Variants in TTBK2 observed in about 807,000 individuals in gnomAD.
TTBK2 encodes the protein tau tubulin kinase 2.
Under a neutral mutation model 110.8 loss-of-function variants are expected in TTBK2, and 28 were observed. That is an observed-to-expected ratio of 0.25 (90% CI 0.19 to 0.35). The LOEUF is 0.35. Among genes scored for constraint, TTBK2 ranks in the 10% least tolerant of loss-of-function variants. TTBK2 has a pLI of 1.00. For missense variants in TTBK2, 1,369 were observed against 1,500.3 expected (o/e 0.91, Z 1.45); for synonymous variants, 532 against 527.3 (o/e 1.01, Z -0.12).
intron 1 of TTBK2, among the ~76,000 whole-genome samples, chr15:42,888,160 C>A (rs1895317615): frequency 6.6e-6 from 1 of 152,138 alleles, no homozygotes; most frequent in East Asian, 1.9e-4. Flanking sequence ...TAGAGGCCCT[C>A]AAAATCACAA....
chr15:42,917,935 T>C (rs2031170767), intron 1 of TTBK2, among the ~76,000 whole-genome samples: 2 of 152,194 alleles, frequency 1.3e-5, no homozygotes, highest in Non-Finnish European at 2.9e-5. Context: ...ATAGGATTTT[T>C]TTTTAAGTGT....
intron 13 of TTBK2, among the ~76,000 whole-genome samples, chr15:42,756,365 C>T (rs1156652900): frequency 3.3e-5 from 5 of 152,048 alleles, no homozygotes; most frequent in Non-Finnish European, 7.4e-5. Context: ...GTGGGCGGAT[C>T]ATCTGAAGTC....
chr15:42,825,106 G>C lies in TTBK2; in HGVS notation c.537+2822C>G, dbSNP rs1358425954. ...CGCCTGTGCAACAGAACAAGACCCTGTCTCTTTAAATAATAATAATAAATG... is the reference window on the plus strand; with the variant it reads ...CGCCTGTGCAACAGAACAAGACCCTCTCTCTTTAAATAATAATAATAAATG... On this transcript the variant is annotated intron_variant, in intron 6 of 14. Transcript: ENST00000267890. Among the ~76,000 whole-genome samples, 11 of 152,042 alleles carry C rather than the reference G, an allele frequency of 7.2e-5. No homozygotes were observed. The East Asian group carries it at 2.1e-3, about 29-fold the overall frequency.
intron 9 of TTBK2, among the ~76,000 whole-genome samples, chr15:42,797,023 G>C (rs1308871857): frequency 6.6e-6 from 1 of 152,348 alleles, no homozygotes; most frequent in East Asian, 1.9e-4. Flanking sequence ...GTCAGAGGTA[G>C]AGGGCCGTAG....
chr15:42,912,526 T>A (rs551612078), intron 1 of TTBK2, among the ~76,000 whole-genome samples: 4 of 151,928 alleles, frequency 2.6e-5, no homozygotes, highest in African/African-American at 9.7e-5. Context: ...CTGGCCAACA[T>A]GATGAAACCC....
At chr15:42,786,507 C>T (rs1243556851) in intron 10 of TTBK2, among the ~76,000 whole-genome samples, 2 of 152,146 alleles carry the variant, frequency 1.3e-5, no homozygotes, top group Non-Finnish European at 2.9e-5. Context: ...ACTCAGTATT[C>T]TTTCAAGTCC....
chr15:42,856,188 T>G (rs1893934097), intron 3 of TTBK2, among the ~76,000 whole-genome samples: 1 of 152,122 alleles, frequency 6.6e-6, no homozygotes. Flanking sequence ...ATGAAAACAA[T>G]GAATGTAGGT....
chr15:42,747,836 A>G (rs2061816529), intron 14 of TTBK2, among the ~76,000 whole-genome samples: 1 of 152,230 alleles, frequency 6.6e-6, no homozygotes. Flanking sequence ...GAATCCAAAA[A>G]GATCCCCATG....
chr15:42,806,999 C>T (rs1891497076), intron 9 of TTBK2, among the ~76,000 whole-genome samples: 1 of 152,124 alleles, frequency 6.6e-6, no homozygotes, highest in South Asian at 2.1e-4. Context: ...GAGGTTCCCC[C>T]TTGTTTTCAG....
In TTBK2 at chr15:42,810,569, T is replaced by G. The variant is rs567803803; in HGVS notation, c.822+45A>C. ...AGCTACAATGAGTGAAAGCATAGACTAAGAGAGAAAATAACTAACCCACAG... is the reference window on the plus strand; with the variant it reads ...AGCTACAATGAGTGAAAGCATAGACGAAGAGAGAAAATAACTAACCCACAG... On this transcript the variant is annotated intron_variant, in intron 9 of 14. Coordinates refer to ENST00000267890, the MANE Select transcript of TTBK2 (RefSeq NM_173500.4). 211 of 1,610,790 alleles carry G rather than the reference T, an allele frequency of 1.3e-4. 1 individual carries two copies. In the South Asian group the frequency reaches 2.2e-3, roughly 17 times the overall value.
At chr15:42,785,586 T>C (rs1312105703) in intron 10 of TTBK2, among the ~76,000 whole-genome samples, 3 of 152,136 alleles carry the variant, frequency 2.0e-5, no homozygotes, top group African/African-American at 7.2e-5. Context: ...TTAATTGGTA[T>C]TTGTCTATAT....
intron 6 of TTBK2, among the ~76,000 whole-genome samples, chr15:42,820,541 T>C (rs1892245680): frequency 6.6e-6 from 1 of 152,242 alleles, no homozygotes; most frequent in Non-Finnish European, 1.5e-5. Context: ...CTCACAGATA[T>C]ACTTGCATTT....
intron 10 of TTBK2, among the ~76,000 whole-genome samples, chr15:42,793,750 A>C (rs1890806405): frequency 6.6e-6 from 1 of 151,850 alleles, no homozygotes; most frequent in Non-Finnish European, 1.5e-5. Context: ...TGGGAGGCTG[A>C]GGCAGGAAAA....
At chr15:42,807,736 C>A (rs1239857741) in intron 9 of TTBK2, among the ~76,000 whole-genome samples, 1 of 152,014 alleles carries the variant, frequency 6.6e-6, no homozygotes, top group Admixed American at 6.6e-5. Flanking sequence ...TGTGCTTGGC[C>A]CACTCTGTCT....
chr15:42,878,634 G>A lies in TTBK2; in HGVS notation c.-17C>T. On this transcript the variant is annotated 5_prime_UTR_variant, in exon 2 of 15. Coordinates refer to ENST00000267890, the MANE Select transcript of TTBK2 (RefSeq NM_173500.4). ...CCCACTCATTGCAATACACTGATAT[G>A]GTAGAACAGCTACACAGGCATCCAG... 1.2e-6 allele frequency: 2 copies of A among 1,613,556 alleles called. No homozygotes were observed. The highest frequency in any genetic ancestry group is 1.7e-6 in the Non-Finnish European group (2 of 1,179,886).
intron 13 of TTBK2, among the ~76,000 whole-genome samples, chr15:42,758,823 T>C (rs2061982892): frequency 6.6e-6 from 1 of 152,018 alleles, no homozygotes; most frequent in Admixed American, 6.6e-5. Context: ...TGCAAACACC[T>C]ACAATCCTTA....
chr15:42,899,888 G>C (rs1457166937), intron 1 of TTBK2, among the ~76,000 whole-genome samples: 1 of 151,438 alleles, frequency 6.6e-6, no homozygotes, highest in Non-Finnish European at 1.5e-5. Context: ...GGCAACAAGA[G>C]CGAAACTCCA....
rs1211085789 is a variant in TTBK2 at position 42,783,621 on chromosome 15, G to A, written c.995C>T (p.Thr332Ile). The A allele has an allele frequency of 5.6e-6, 9 of 1,613,428 alleles. No homozygotes were observed. The highest frequency in any genetic ancestry group is 7.6e-6 in the Non-Finnish European group (9 of 1,179,838). ...TPAAIGIANATPIPGDLLREN... is the reference protein window; with the variant it reads ...TPAAIGIANAIPIPGDLLREN... ...TCGAAGCAAGTCTCCAGGGATGGGAGTAGCATTGGCAATTCTACATATGAA... is the reference window on the plus strand; with the variant it reads ...TCGAAGCAAGTCTCCAGGGATGGGAATAGCATTGGCAATTCTACATATGAA... The change falls in exon 11 of 15, where the codon ACT becomes ATT. Residue 332 changes from threonine (T) to isoleucine (I), a missense_variant. Transcript: ENST00000267890.
chr15:42,883,233 T>C (rs1014507157), intron 1 of TTBK2, among the ~76,000 whole-genome samples: 1 of 151,692 alleles, frequency 6.6e-6, no homozygotes, highest in Admixed American at 6.6e-5. Flanking sequence ...AATACAAAAT[T>C]AGCCAGGTGT....
Sources: gnomAD v4.1 joint callset for allele counts (sites outside exome capture counted in the v4.1 genomes callset) on GRCh38, gnomAD v4.1.1 for gene constraint, MANE v1.5 for transcripts, NCBI Gene and HGNC (gene_info 2026-07-23, HGNC 2026-07-21) for gene names.